Variants in DAPK2 observed in about 807,000 individuals in gnomAD.
The protein encoded by DAPK2 is death-associated protein kinase 2.
Under a neutral mutation model 44.1 loss-of-function variants are expected in DAPK2, and 35 were observed. The observed-to-expected ratio is 0.79, with a 90% CI of 0.61 to 1.05. The LOEUF is 1.05. Ranked by LOEUF, DAPK2 falls within the 50% of genes least tolerant of loss-of-function variation. The probability of loss-of-function intolerance (pLI) is 0.00; values close to 1 mark genes in which losing one functional copy is unlikely to be tolerated. For synonymous variants in DAPK2, 174 were observed against 182.6 expected, an observed-to-expected ratio of 0.95 and a Z score of 0.38; for missense variants, 453 against 483.2, an observed-to-expected ratio of 0.94 and a Z score of 0.59.
intron 1 of DAPK2, among the ~76,000 whole-genome samples, chr15:64,012,843 C>T (rs889350991): frequency 2.0e-5 from 3 of 152,152 alleles, no homozygotes; most frequent in African/African-American, 7.2e-5. Context: ...TTGTTATTAA[C>T]TGATTTTCTT....
intron 8 of DAPK2, among the ~76,000 whole-genome samples, chr15:63,924,268 A>C (rs1345539950): frequency 2.0e-5 from 3 of 151,382 alleles, no homozygotes; most frequent in Non-Finnish European, 2.9e-5. Flanking sequence ...TTTTGCCCTG[A>C]CTCTCCCCAG....
At chr15:63,967,477 G>A (rs2078086852) in intron 3 of DAPK2, among the ~76,000 whole-genome samples, 2 of 152,030 alleles carry the variant, frequency 1.3e-5, no homozygotes, top group African/African-American at 4.8e-5. Context: ...GATCACCTGA[G>A]GTCAGCAGTT....
In DAPK2 at chr15:63,917,768, G is replaced by A. The variant is rs2078966848; in HGVS notation, c.859-5571C>T. 1 of 152,210 alleles carries A rather than the reference G, an allele frequency of 6.6e-6. No homozygotes were observed. The highest frequency in any genetic ancestry group is 2.1e-4 in the South Asian group (1 of 4,834). 9.4% of individuals were successfully genotyped at this position (152,210 alleles called of 1,614,324 possible). On this transcript the variant is annotated intron_variant, in intron 8 of 10. Coordinates refer to ENST00000261891, the Ensembl canonical transcript of DAPK2. The surrounding 1 kb of genome is among the most constrained non-coding windows in gnomAD (Gnocchi z 4.4). ...CAAGGGACACAGCTTGGGAGTGGAG[G>A]AGGGCGGTCACTGGTGGGGACGGCG...
At chr15:63,924,647 T>C (rs1357924502) in intron 8 of DAPK2, 169 bp downstream of exon 9, 3 of 634,416 alleles carry the variant, frequency 4.7e-6, no homozygotes, top group Non-Finnish European at 8.3e-6. Context: ...ATAAACCTAT[T>C]CGAATAAGCC....
chr15:63,991,521 T>C (rs1037086464), intron 1 of DAPK2, among the ~76,000 whole-genome samples: 1 of 152,186 alleles, frequency 6.6e-6, no homozygotes, highest in Non-Finnish European at 1.5e-5. Context: ...CTCTCAAATC[T>C]TTCACCGAAG....
intron 3 of DAPK2, among the ~76,000 whole-genome samples, chr15:63,968,356 C>T (rs1213207432): frequency 6.6e-6 from 1 of 152,218 alleles, no homozygotes; most frequent in Non-Finnish European, 1.5e-5. Context: ...TGGGGACTGG[C>T]AGCATCCTCA....
At chr15:63,924,794 G>T in intron 8 of DAPK2, 22 bp downstream of exon 9, 1 of 1,614,018 alleles carries the variant, frequency 6.2e-7, no homozygotes, top group Non-Finnish European at 8.5e-7. Flanking sequence ...TTGCCCATTG[G>T]AACTCATGGC....
intron 1 of DAPK2, among the ~76,000 whole-genome samples, chr15:63,985,301 G>A (rs1338569930): frequency 6.6e-6 from 1 of 152,246 alleles, no homozygotes; most frequent in East Asian, 1.9e-4. Flanking sequence ...CACACTAAGG[G>A]CTGACGCAGG....
At chr15:63,909,865 T>C (rs1233496077) in intron 10 of DAPK2, 1 of 152,092 alleles carries the variant, frequency 6.6e-6, no homozygotes, top group Non-Finnish European at 1.5e-5. Context: ...AGATTGTATC[T>C]GTCAGGGAAG....
rs1054476574 is a variant in DAPK2, at chr15:64,046,011, C to T, written c.-7+287G>A. ...GGCCTAACTCGATGGACGTCTGTCT[C>T]CCATCTCCCTGCTGGGTGCTTGGCT... On this transcript the variant is annotated intron_variant, in intron 1 of 11. Transcript: ENST00000457488. This position sits in a 1 kb window ranked among gnomAD's most constrained non-coding sequence, Gnocchi z 5.3. Among the ~76,000 whole-genome samples, 14 of 152,206 alleles carry T rather than the reference C, an allele frequency of 9.2e-5. No individual in the cohort carries two copies. The highest frequency in any genetic ancestry group is 1.9e-4 in the Non-Finnish European group (13 of 68,018).
At chr15:64,035,045 G>A (rs1290330805) in intron 1 of DAPK2, among the ~76,000 whole-genome samples, 1 of 152,004 alleles carries the variant, frequency 6.6e-6, no homozygotes, top group African/African-American at 2.4e-5. Context: ...GCGTGTGCCT[G>A]TAATCCTAGC....
upstream of DAPK2, chr15:64,040,299 G>A (rs977818534): frequency 1.3e-6 from 2 of 1,567,294 alleles, no homozygotes; most frequent in African/African-American, 2.7e-5. Flanking sequence ...GGTTAGGACA[G>A]CCATCCAAAT....
intron 1 of DAPK2, chr15:64,029,855 A>G (rs1471414118): frequency 6.6e-6 from 1 of 152,306 alleles, no homozygotes; most frequent in Non-Finnish European, 1.5e-5. Flanking sequence ...CTTTTAACCA[A>G]GTTCATTTTG....
At chr15:63,931,971 C>T (rs2076966347) in intron 4 of DAPK2, among the ~76,000 whole-genome samples, 1 of 151,766 alleles carries the variant, frequency 6.6e-6, no homozygotes, top group Non-Finnish European at 1.5e-5. Flanking sequence ...TCGAGACCAG[C>T]TTGGCCAACA....
intron 1 of DAPK2, among the ~76,000 whole-genome samples, chr15:64,025,251 A>G (rs1414249820): frequency 6.6e-6 from 1 of 152,198 alleles, no homozygotes; most frequent in African/African-American, 2.4e-5. Flanking sequence ...CTCATCTGTA[A>G]AAAGGGAAAA....
At position 64,024,184 on chromosome 15, in the gene DAPK2, T is replaced by A. The variant is rs538722251; in HGVS notation, c.92+15986A>T. Reference sequence around the variant, plus strand: ...AATTCCTCTCATCAACCCCAAGCCTTAGGTGAAAATCAATTCATCCTTCAA... The same window carrying A: ...AATTCCTCTCATCAACCCCAAGCCTAAGGTGAAAATCAATTCATCCTTCAA... On this transcript the variant is annotated intron_variant, in intron 1 of 10. Transcript: ENST00000261891. Among the ~76,000 whole-genome samples, 3 of 152,272 alleles carry A rather than the reference T, an allele frequency of 2.0e-5. No homozygotes were observed. The East Asian group carries it at 5.8e-4, about 29-fold the overall frequency.
At chr15:63,930,237 C>T (rs561841222) in intron 5 of DAPK2, among the ~76,000 whole-genome samples, 170 bp downstream of exon 6, 5 of 152,248 alleles carry the variant, frequency 3.3e-5, no homozygotes, top group Non-Finnish European at 7.3e-5. Context: ...TAGAGACCTC[C>T]AGCTGCCCTG....
At chr15:63,985,754 A>T (rs2078652263) in intron 1 of DAPK2, among the ~76,000 whole-genome samples, 1 of 152,194 alleles carries the variant, frequency 6.6e-6, no homozygotes, top group Non-Finnish European at 1.5e-5. Flanking sequence ...GCTTTTGTAA[A>T]CTAGAGCTAA....
intron 5 of DAPK2, among the ~76,000 whole-genome samples, chr15:63,930,122 A>C (rs768851376): frequency 1.3e-5 from 2 of 152,182 alleles, no homozygotes; most frequent in Non-Finnish European, 2.9e-5. Context: ...CAGCTGGGGC[A>C]GGCCCACGGG....
Sources: gnomAD v4.1 joint callset for allele counts (sites outside exome capture counted in the v4.1 genomes callset) on GRCh38, gnomAD v4.1.1 for gene constraint, Gnocchi (gnomAD v3.1) non-coding constraint, MANE v1.5 for transcripts, NCBI Gene and HGNC (gene_info 2026-07-23, HGNC 2026-07-21) for gene names.